SGCZ: variants seen among roughly 807,000 people sequenced by gnomAD.
SGCZ encodes sarcoglycan zeta, also known as zeta-sarcoglycan.
Under a neutral mutation model 41.3 loss-of-function variants are expected in SGCZ, and 40 were observed. The observed-to-expected ratio is 0.97, with a 90% CI of 0.75 to 1.26. The LOEUF is 1.26. Ranked by LOEUF, SGCZ falls within the 50% of genes most tolerant of loss-of-function variation. The pLI is 0.00. For missense variants in SGCZ, 552 were observed against 369.8 expected, an observed-to-expected ratio of 1.49 and a Z score of -4.04; for synonymous variants, 206 against 137.5, an observed-to-expected ratio of 1.50 and a Z score of -3.49.
intron 3 of SGCZ, among the ~76,000 whole-genome samples, chr8:14,297,996 A>G (rs1312430474): frequency 1.3e-5 from 2 of 152,042 alleles, no homozygotes; most frequent in Admixed American, 6.6e-5. Flanking sequence ...CTAGCAATAA[A>G]TAAGAAGTTA....
chr8:14,848,955 T>C (rs1381789827), intron 1 of SGCZ, among the ~76,000 whole-genome samples: 1 of 152,088 alleles, frequency 6.6e-6, no homozygotes, highest in Non-Finnish European at 1.5e-5. Context: ...TATCAAAATA[T>C]GTAAAGAGCT....
chr8:14,163,825 T>A (rs1024390115), intron 5 of SGCZ, among the ~76,000 whole-genome samples: 1 of 152,148 alleles, frequency 6.6e-6, no homozygotes, highest in Non-Finnish European at 1.5e-5. Flanking sequence ...CAAACTCAAG[T>A]TTGGGAAACA....
At chr8:14,875,141 G>A (rs549692483) in intron 1 of SGCZ, among the ~76,000 whole-genome samples, 1 of 152,232 alleles carries the variant, frequency 6.6e-6, no homozygotes, top group South Asian at 2.1e-4. Flanking sequence ...TGCCAGCTAG[G>A]TAGGTTTTGG....
At chr8:14,823,178 T>C (rs1802173269) in intron 1 of SGCZ, among the ~76,000 whole-genome samples, 1 of 150,924 alleles carries the variant, frequency 6.6e-6, no homozygotes, top group South Asian at 2.1e-4. Flanking sequence ...AGGCAAGAAA[T>C]TTTTAAATAA....
At chr8:15,165,793 G>A (rs1324008236) in intron 1 of SGCZ, among the ~76,000 whole-genome samples, 2 of 152,188 alleles carry the variant, frequency 1.3e-5, no homozygotes, top group Non-Finnish European at 2.9e-5. Flanking sequence ...AAGTGGTGGA[G>A]GAATTGTGGA....
intron 1 of SGCZ, among the ~76,000 whole-genome samples, chr8:14,996,947 C>T (rs1306542847): frequency 6.6e-6 from 1 of 152,140 alleles, no homozygotes; most frequent in Non-Finnish European, 1.5e-5. Flanking sequence ...ATAGAGGGCC[C>T]CTAATTACTA....
At chr8:14,862,721 T>C (rs1261584665) in intron 1 of SGCZ, among the ~76,000 whole-genome samples, 1 of 151,468 alleles carries the variant, frequency 6.6e-6, no homozygotes, top group East Asian at 2.0e-4. Flanking sequence ...AATGTAGTGA[T>C]TATAATAAGG....
chr8:14,228,332 A>G (rs1806445236), intron 4 of SGCZ, among the ~76,000 whole-genome samples: 1 of 152,142 alleles, frequency 6.6e-6, no homozygotes, highest in Non-Finnish European at 1.5e-5. Flanking sequence ...GTATGTAGTC[A>G]TAAGGTCTAA....
intron 2 of SGCZ, among the ~76,000 whole-genome samples, chr8:14,358,591 T>G (rs1344083272): frequency 6.6e-6 from 1 of 152,158 alleles, no homozygotes; most frequent in African/African-American, 2.4e-5. Flanking sequence ...ATAATTAGGT[T>G]AGACAAATAT....
At chr8:14,708,478 C>A (rs1462944476) in intron 1 of SGCZ, among the ~76,000 whole-genome samples, 1 of 151,554 alleles carries the variant, frequency 6.6e-6, no homozygotes, top group Non-Finnish European at 1.5e-5. Context: ...TACTTTTCAA[C>A]CCACAGCAAT....
intron 1 of SGCZ, among the ~76,000 whole-genome samples, chr8:14,910,537 C>G (rs1208066157): frequency 6.6e-6 from 1 of 151,650 alleles, no homozygotes; most frequent in Non-Finnish European, 1.5e-5. Context: ...AAAATTCTGG[C>G]TGGTATTGAT....
At chr8:15,137,916 C>T (rs917264659) in intron 1 of SGCZ, among the ~76,000 whole-genome samples, 3 of 152,126 alleles carry the variant, frequency 2.0e-5, no homozygotes, top group Admixed American at 6.5e-5. Flanking sequence ...TCCTCCAGAC[C>T]CCAGAATGGT....
chr8:14,567,183 C>G lies in SGCZ; in HGVS notation c.40-12257G>C, dbSNP rs556819237. 2.6e-5 allele frequency among the ~76,000 whole-genome samples: 4 copies of G among 152,338 alleles called. No individual in the cohort carries two copies. The South Asian group carries it at 8.3e-4, about 32-fold the overall frequency. On this transcript the variant is annotated intron_variant, in intron 1 of 7. Coordinates refer to ENST00000382080, the MANE Select transcript of SGCZ (RefSeq NM_139167.4). ...CAGGGAGTCGCCCCCTGCTCCACAG[C>G]GCCGGGTCCCATGGATCGCCCAAGG...
At chr8:14,499,384 T>A (rs1458772795) in intron 2 of SGCZ, among the ~76,000 whole-genome samples, 1 of 152,072 alleles carries the variant, frequency 6.6e-6, no homozygotes, top group East Asian at 1.9e-4. Context: ...TTCTTTTGCA[T>A]CATATATACC....
intron 1 of SGCZ, among the ~76,000 whole-genome samples, chr8:14,837,338 G>A (rs1428477477): frequency 2.6e-5 from 4 of 152,200 alleles, no homozygotes; most frequent in Admixed American, 6.5e-5. Context: ...AAAGGGAATC[G>A]CAAATGAGAT....
chr8:14,893,133 C>A (rs1053649739), intron 1 of SGCZ, among the ~76,000 whole-genome samples: 8 of 152,106 alleles, frequency 5.3e-5, no homozygotes, highest in Non-Finnish European at 1.0e-4. Context: ...CAGGCCCCAT[C>A]CAATCACATG....
At chr8:15,019,568 T>G (rs1470991303) in intron 1 of SGCZ, among the ~76,000 whole-genome samples, 2 of 152,032 alleles carry the variant, frequency 1.3e-5, no homozygotes, top group Admixed American at 6.6e-5. Flanking sequence ...CTTTCAGCTT[T>G]TCTTGCCTGC....
At chr8:14,103,317 A>T (rs1205177701) in intron 6 of SGCZ, among the ~76,000 whole-genome samples, 1 of 152,172 alleles carries the variant, frequency 6.6e-6, no homozygotes. Context: ...ATACAGTGGT[A>T]AAAAGTGCTA....
intron 1 of SGCZ, among the ~76,000 whole-genome samples, chr8:14,796,831 A>T (rs1244972099): frequency 2.0e-5 from 3 of 152,134 alleles, no homozygotes; most frequent in African/African-American, 7.2e-5. Context: ...GGTTTCGCCC[A>T]TGCTACTCTC....
Sources: allele counts gnomAD v4.1 joint callset (sites outside exome capture counted in the v4.1 genomes callset), GRCh38; gene constraint gnomAD v4.1.1; transcripts MANE v1.5; gene names NCBI Gene and HGNC (gene_info 2026-07-23, HGNC 2026-07-21).